The following AKAP6 variants were observed in gnomAD, a reference collection of about 807,000 sequenced individuals.
AKAP6 encodes A-kinase anchoring protein 6.
In AKAP6, 58 loss-of-function variants were observed where a neutral mutation model predicts 188.5. The ratio of observed to expected loss-of-function variants is 0.31; its 90% CI spans 0.25 to 0.38. The LOEUF (loss-of-function observed/expected upper bound fraction) is 0.38, where lower values mean the gene tolerates loss of function less well. Among genes scored for constraint, AKAP6 ranks in the 10% least tolerant of loss-of-function variants. The pLI is 1.00. For synonymous variants in AKAP6, 989 were observed against 998.6 expected (o/e 0.99, Z 0.18); for missense variants, 2,710 against 2,740.0 (o/e 0.99, Z 0.24).
intron 12 of AKAP6, among the ~76,000 whole-genome samples, chr14:32,793,902 G>A (rs1217017432): frequency 4.7e-5 from 7 of 148,896 alleles, no homozygotes; most frequent in Middle Eastern, 3.9e-3. Context: ...CAATAATAGT[G>A]GGAAACTGTA....
intron 3 of AKAP6, among the ~76,000 whole-genome samples, chr14:32,542,551 G>T (rs1357042573): frequency 1.3e-5 from 2 of 152,198 alleles, no homozygotes; most frequent in Non-Finnish European, 2.9e-5. Context: ...ATGTGGATCT[G>T]GAATCTTGAA....
intron 12 of AKAP6, among the ~76,000 whole-genome samples, chr14:32,791,393 T>C (rs1307138229): frequency 6.6e-6 from 1 of 152,198 alleles, no homozygotes; most frequent in African/African-American, 2.4e-5. Context: ...TTTTCATATG[T>C]TTGTTGGCTG....
chr14:32,372,915 A>T (rs1211971719), intron 1 of AKAP6, among the ~76,000 whole-genome samples: 1 of 152,014 alleles, frequency 6.6e-6, no homozygotes, highest in Non-Finnish European at 1.5e-5. Context: ...GAGAATACTG[A>T]GAATGATTGG....
chr14:32,651,510 T>C (rs2139532455), intron 7 of AKAP6, among the ~76,000 whole-genome samples: 1 of 152,300 alleles, frequency 6.6e-6, no homozygotes, highest in Non-Finnish European at 1.5e-5. Flanking sequence ...AGCTGGGAAG[T>C]GAAGTCCAAG....
At chr14:32,633,225 G>T (rs1315510318) in intron 7 of AKAP6, among the ~76,000 whole-genome samples, 1 of 152,032 alleles carries the variant, frequency 6.6e-6, no homozygotes, top group African/African-American at 2.4e-5. Flanking sequence ...ACAGCATAAG[G>T]CTTTTACATC....
intron 2 of AKAP6, among the ~76,000 whole-genome samples, chr14:32,477,699 A>G (rs1594656148): frequency 6.6e-6 from 1 of 152,196 alleles, no homozygotes; most frequent in East Asian, 1.9e-4. Context: ...AGATCTTTTC[A>G]GTAATGAAGC....
intron 1 of AKAP6, among the ~76,000 whole-genome samples, chr14:32,331,932 G>T (rs1000142884): frequency 6.6e-6 from 1 of 152,076 alleles, no homozygotes; most frequent in Non-Finnish European, 1.5e-5. Context: ...ATTCTTTGCC[G>T]ATAACTAGGC....
chr14:32,656,723 G>C (rs1167031027), intron 7 of AKAP6, among the ~76,000 whole-genome samples: 1 of 152,150 alleles, frequency 6.6e-6, no homozygotes, highest in African/African-American at 2.4e-5. Context: ...TTAAGTAAAT[G>C]GCTCAGTAGT....
intron 5 of AKAP6, among the ~76,000 whole-genome samples, chr14:32,583,827 A>C (rs1020764423): frequency 2.0e-5 from 3 of 152,188 alleles, no homozygotes; most frequent in Non-Finnish European, 2.9e-5. Context: ...AGCCCGTCAG[A>C]AAAAGCGCAT....
intron 1 of AKAP6, among the ~76,000 whole-genome samples, chr14:32,330,215 T>G (rs1238255089): frequency 6.6e-6 from 1 of 151,990 alleles, no homozygotes; most frequent in Non-Finnish European, 1.5e-5. Flanking sequence ...TTGCTTAACT[T>G]TAACAAAAAT....
intron 1 of AKAP6, among the ~76,000 whole-genome samples, chr14:32,363,834 T>G (rs1566465245): frequency 6.6e-6 from 1 of 152,156 alleles, no homozygotes; most frequent in Non-Finnish European, 1.5e-5. Context: ...GTTGACAATA[T>G]TAACCATCAC....
At chr14:32,816,213 A>G (rs1161480489) in intron 12 of AKAP6, among the ~76,000 whole-genome samples, 2 of 152,072 alleles carry the variant, frequency 1.3e-5, no homozygotes, top group African/African-American at 4.8e-5. Context: ...GTTTGTTTAG[A>G]GACAGGGTAT....
intron 1 of AKAP6, among the ~76,000 whole-genome samples, chr14:32,409,186 C>T (rs1889396543): frequency 6.6e-6 from 1 of 152,090 alleles, no homozygotes; most frequent in South Asian, 2.1e-4. Flanking sequence ...GGCCACAGAG[C>T]AAGACTCCGT....
chr14:32,396,466 C>T (rs547509260), intron 1 of AKAP6, among the ~76,000 whole-genome samples: 1 of 152,278 alleles, frequency 6.6e-6, no homozygotes, highest in East Asian at 1.9e-4. Context: ...GGTGCCTCTG[C>T]AGGTGGACTC....
intron 11 of AKAP6, among the ~76,000 whole-genome samples, chr14:32,736,829 A>C (rs1251698986): frequency 6.6e-6 from 1 of 152,106 alleles, no homozygotes; most frequent in Non-Finnish European, 1.5e-5. Flanking sequence ...CTCTCTGCCA[A>C]ACAGGCAGAG....
intron 7 of AKAP6, among the ~76,000 whole-genome samples, chr14:32,650,419 C>T (rs1320204145): frequency 6.6e-6 from 1 of 152,000 alleles, no homozygotes; most frequent in African/African-American, 2.4e-5. Context: ...TCAATACCAG[C>T]CTGACCAACA....
At chr14:32,791,546 A>G (rs1197256531) in intron 12 of AKAP6, among the ~76,000 whole-genome samples, 3 of 152,122 alleles carry the variant, frequency 2.0e-5, no homozygotes, top group African/African-American at 7.2e-5. Context: ...ATAGATTGCA[A>G]AAATTTTCTC....
At position 32,597,220 on chromosome 14, in the gene AKAP6, C is replaced by T. The variant is rs534551764; in HGVS notation, c.2470-2190C>T. ...AACCTACTTACGGTTCCTTAGATTC[C>T]CATTTGCTCTGAGACATAGACATCA... On this transcript the variant is annotated intron_variant, in intron 5 of 13. Transcript: ENST00000280979. 3.3e-5 allele frequency among the ~76,000 whole-genome samples: 5 copies of T among 152,240 alleles called. No individual in the cohort carries two copies. In the South Asian group the frequency reaches 8.3e-4, roughly 25 times the overall value.
chr14:32,765,965 C>T (rs1013301449), intron 11 of AKAP6, among the ~76,000 whole-genome samples: 10 of 152,064 alleles, frequency 6.6e-5, no homozygotes, highest in African/African-American at 2.4e-4. Flanking sequence ...AATCTTATTT[C>T]AGAATGTTTT....
Sources: allele counts gnomAD v4.1 joint callset (sites outside exome capture counted in the v4.1 genomes callset), GRCh38; gene constraint gnomAD v4.1.1; transcripts MANE v1.5; gene names NCBI Gene and HGNC (gene_info 2026-07-23, HGNC 2026-07-21).